Variants in SRF observed in about 807,000 individuals in gnomAD.
SRF encodes the protein c-fos serum response element-binding transcription factor.
SRF carries 7 observed loss-of-function variants against 37.1 expected under a neutral mutation model. That is an observed-to-expected ratio of 0.19 (90% confidence interval 0.11 to 0.35). The LOEUF (loss-of-function observed/expected upper bound fraction) is 0.35, where lower values mean the gene tolerates loss of function less well. Ranked by LOEUF, SRF falls within the 10% of genes least tolerant of loss-of-function variation. The pLI is 1.00. For missense variants in SRF, 395 were observed against 694.4 expected (o/e 0.57, Z 4.85); for synonymous variants, 285 against 310.1 (o/e 0.92, Z 0.85).
At chr6:43,174,855 C>T (rs940091840) in intron 2 of SRF, among the ~76,000 whole-genome samples, 10 of 152,194 alleles carry the variant, frequency 6.6e-5, no homozygotes, top group African/African-American at 2.2e-4. Context: ...TGACTCATTT[C>T]GGGTCTGGGC....
Position 43,173,524 on chromosome 6 carries a change from G to T in SRF, c.514-323G>T, listed in dbSNP as rs1772144935. Among the ~76,000 whole-genome samples the T allele has an allele frequency of 6.6e-6, 1 of 152,170 alleles. No individual in the cohort carries two copies. Among genetic ancestry groups the T allele is most frequent in the Non-Finnish European group, 1.5e-5 (1 of 68,038 alleles). On this transcript the variant is annotated intron_variant, in intron 1 of 6. Coordinates refer to ENST00000265354, the MANE Select transcript of SRF (RefSeq NM_003131.4). The surrounding 1 kb of genome is among the most constrained non-coding windows in gnomAD (Gnocchi z 4.2). ...ACAGTGAGAAGGGGTGAGGCTCTGG[G>T]ACATTCCAGGCACTAAGCTGTGTTG...
intron 4 of SRF, among the ~76,000 whole-genome samples, chr6:43,177,944 AG>A (rs1175920015): frequency 6.6e-6 from 1 of 151,018 alleles, no homozygotes; most frequent in Non-Finnish European, 1.5e-5. Context: ...AGGGAGAATG[AG>A]AACAAATAAA....
Position 43,178,580 on chromosome 6 carries a change from C to A in SRF, c.1354+95C>A. ...ACACACACATATGCACTGATGCCTA[C>A]AAATATTTCTACCCAAATACAACAC... On this transcript the variant is annotated intron_variant, in intron 5 of 6. Coordinates refer to ENST00000265354, the MANE Select transcript of SRF (RefSeq NM_003131.4). This position sits in a 1 kb window ranked among gnomAD's most constrained non-coding sequence, Gnocchi z 4.3. The A allele has an allele frequency of 6.9e-7, 1 of 1,447,072 alleles. No homozygotes were observed. Among genetic ancestry groups the A allele is most frequent in the Non-Finnish European group, 9.5e-7 (1 of 1,057,482 alleles). The allele number at this position is 1,447,072 out of a possible 1,614,324, so 89.6% of individuals were successfully genotyped here. A position where few individuals can be genotyped will look rare whatever the true frequency, so the allele number is the denominator to read the frequency against.
chr6:43,177,916 A>G (rs1418998983), intron 4 of SRF, among the ~76,000 whole-genome samples: 2 of 146,634 alleles, frequency 1.4e-5, no homozygotes, highest in African/African-American at 5.0e-5. Flanking sequence ...CTCCATCTCA[A>G]AAAAAAAAAA....
At position 43,180,658 on chromosome 6, in the gene SRF, G is replaced by A. The variant is rs3734682; in HGVS notation, c.*1468G>A. 6.5e-6 allele frequency: 1 copy of A among 152,674 alleles called. No homozygotes were observed. Among genetic ancestry groups the A allele is most frequent in the Non-Finnish European group, 1.5e-5 (1 of 68,094 alleles). 9.5% of individuals were successfully genotyped at this position (152,674 alleles called of 1,614,324 possible). ...AGACCTTGAGGGTGGGCCAGCATAG[G>A]GGGGAGGGTCTTTTACCCTGTGTCA... On this transcript the variant is annotated 3_prime_UTR_variant, in exon 7 of 7. Coordinates refer to ENST00000265354, the MANE Select transcript of SRF (RefSeq NM_003131.4).
At position 43,178,344 on chromosome 6, in the gene SRF, G is replaced by T; in HGVS notation, c.1213G>T (p.Gly405Cys). Reference sequence around the variant, plus strand: ...GTCATCCGTGCCCACAACTGTGGGTGGCCACATGATGTACCCTAGCCCGCA... The same window carrying T: ...GTCATCCGTGCCCACAACTGTGGGTTGCCACATGATGTACCCTAGCCCGCA... The part of the protein sequence containing the change: ...MTSSVPTTVG[G>C]HMMYPSPHAV... The change falls in exon 5 of 7, where the codon GGC becomes TGC. Residue 405 changes from glycine to cysteine, a missense_variant. Gly to Cys is a radical substitution (Grantham distance 159). Coordinates refer to ENST00000265354, the MANE Select transcript of SRF (RefSeq NM_003131.4). The surrounding 1 kb of genome is among the most constrained non-coding windows in gnomAD (Gnocchi z 4.3). The T allele has an allele frequency of 6.2e-7, 1 of 1,612,406 alleles. No individual in the cohort carries two copies. Among genetic ancestry groups the T allele is most frequent in the South Asian group, 1.1e-5 (1 of 90,862 alleles).
At chr6:43,177,986 G>A (rs1772237323) in intron 4 of SRF, among the ~76,000 whole-genome samples, 3 of 151,996 alleles carry the variant, frequency 2.0e-5, no homozygotes, top group Admixed American at 1.3e-4. Flanking sequence ...TAAAAGGGGA[G>A]TATCTGAGTT....
At chr6:43,174,243 C>A in intron 2 of SRF, 130 bp downstream of exon 2, 1 of 1,221,430 alleles carries the variant, frequency 8.2e-7, no homozygotes, top group Non-Finnish European at 1.1e-6. Context: ...TCCTAGGGGA[C>A]AGGTGTCCAT....
rs377431701 is a variant in SRF, at chr6:43,178,915, T to C, written c.1431+33T>C. On this transcript the variant is annotated intron_variant, in intron 6 of 6. Coordinates refer to ENST00000265354, the MANE Select transcript of SRF (RefSeq NM_003131.4). The surrounding 1 kb of genome is among the most constrained non-coding windows in gnomAD (Gnocchi z 4.3). ...GGGATATCTTTCACCCCATCCCAGA[T>C]AGCCACTTCTTTGTCTTGACCTTAG... is the stretch of plus-strand genomic sequence containing the variant. 7 of 1,608,732 alleles carry C rather than the reference T, an allele frequency of 4.4e-6. No homozygotes were observed. The African/African-American group carries it at 8.0e-5, about 18-fold the overall frequency.
rs939117849 is a variant in SRF at position 43,179,039 on chromosome 6, G to T, written c.1432-56G>T. 5.2e-5 allele frequency: 83 copies of T among 1,598,942 alleles called. No individual in the cohort carries two copies. The highest frequency in any genetic ancestry group is 1.7e-4 in the Middle Eastern group (1 of 6,048). On this transcript the variant is annotated intron_variant, in intron 6 of 6. Coordinates refer to ENST00000265354, the MANE Select transcript of SRF (RefSeq NM_003131.4). This position sits in a 1 kb window ranked among gnomAD's most constrained non-coding sequence, Gnocchi z 5.3. Reference sequence around the variant, plus strand: ...TGGTTGGCAGGCAGGGAAGCCAGGGGAGCCTGAACTGGCTGGCCAGTCCCT... The same window carrying T: ...TGGTTGGCAGGCAGGGAAGCCAGGGTAGCCTGAACTGGCTGGCCAGTCCCT...
At chr6:43,175,158 G>A (rs1270437001) in intron 2 of SRF, among the ~76,000 whole-genome samples, 1 of 152,134 alleles carries the variant, frequency 6.6e-6, no homozygotes, top group African/African-American at 2.4e-5. Flanking sequence ...TCAGAAGCCT[G>A]ACAAATTAGA....
Position 43,173,721 on chromosome 6 carries a change from C to A in SRF, c.514-126C>A. ...TGATAGGACACCCTGCCCTCAGAGT[C>A]ATTAGAGACGAAGGTCATTATGGGA... On this transcript the variant is annotated intron_variant, in intron 1 of 6. Coordinates refer to ENST00000265354, the MANE Select transcript of SRF (RefSeq NM_003131.4). The surrounding 1 kb of genome is among the most constrained non-coding windows in gnomAD (Gnocchi z 4.2). The A allele has an allele frequency of 7.7e-7, 1 of 1,290,388 alleles. No homozygotes were observed. Among genetic ancestry groups the A allele is most frequent in the Non-Finnish European group, 1.1e-6 (1 of 950,862 alleles). The allele number at this position is 1,290,388 out of a possible 1,614,324, so 79.9% of individuals were successfully genotyped here.
rs1772248924 is a variant in SRF, at chr6:43,178,581, A to T, written c.1354+96A>T. ...CACACACATATGCACTGATGCCTACAAATATTTCTACCCAAATACAACACA... is the reference window on the plus strand; with the variant it reads ...CACACACATATGCACTGATGCCTACTAATATTTCTACCCAAATACAACACA... On this transcript the variant is annotated intron_variant, in intron 5 of 6. Transcript: ENST00000265354. This position sits in a 1 kb window ranked among gnomAD's most constrained non-coding sequence, Gnocchi z 4.3. 1 of 1,446,140 alleles carries T rather than the reference A, an allele frequency of 6.9e-7. No individual in the cohort carries two copies. The highest frequency in any genetic ancestry group is 1.3e-5 in the South Asian group (1 of 78,896). The allele number at this position is 1,446,140 out of a possible 1,614,324, so 89.6% of individuals were successfully genotyped here. A position where few individuals can be genotyped will look rare whatever the true frequency, so the allele number is the denominator to read the frequency against.
chr6:43,179,194 G>A lies in SRF; in HGVS notation c.*4G>A, dbSNP rs779852507. 17 of 1,614,004 alleles carry A rather than the reference G, an allele frequency of 1.1e-5. No homozygotes were observed. The highest frequency in any genetic ancestry group is 6.7e-5 in the Admixed American group (4 of 60,002). ...CCACAGCACCAAGAGTGAATGATCC[G>A]CCCGCCGCCCTGGACAGATGGCCCA... On this transcript the variant is annotated 3_prime_UTR_variant, in exon 7 of 7. Transcript: ENST00000265354. The surrounding 1 kb of genome is among the most constrained non-coding windows in gnomAD (Gnocchi z 5.3).
In SRF at chr6:43,174,039, A is replaced by G; in HGVS notation, c.706A>G (p.Met236Val). The change falls in exon 2 of 7, where the codon ATG (methionine) becomes GTG (valine). Residue 236 changes from methionine to valine, a missense_variant. Physicochemically the swap from Met to Val is conservative, Grantham distance 21. This residue lies in a region of SRF where 20 missense variants were observed against 37.2 expected (regional missense o/e 0.54). Coordinates refer to ENST00000265354, the MANE Select transcript of SRF (RefSeq NM_003131.4). ...PRSDPTTDQR[M>V]SATGFEETDL... ...TTCAGACCCCACAACAGACCAGAGAATGAGTGCCACTGGCTTTGAAGAGAC... is the reference window on the plus strand; with the variant it reads ...TTCAGACCCCACAACAGACCAGAGAGTGAGTGCCACTGGCTTTGAAGAGAC... The G allele has an allele frequency of 6.2e-7, 1 of 1,614,178 alleles. No homozygotes were observed. Among genetic ancestry groups the G allele is most frequent in the Non-Finnish European group, 8.5e-7 (1 of 1,180,010 alleles).
intron 2 of SRF, among the ~76,000 whole-genome samples, chr6:43,175,474 C>G (rs1193397062): frequency 6.6e-6 from 1 of 152,142 alleles, no homozygotes; most frequent in East Asian, 1.9e-4. Context: ...ATATGCTAAC[C>G]TACTTAATCC....
chr6:43,176,496 G>A lies in SRF; in HGVS notation c.1043-52G>A. 2 of 1,606,274 alleles carry A rather than the reference G, an allele frequency of 1.2e-6. No individual in the cohort carries two copies. Among genetic ancestry groups the A allele is most frequent in the East Asian group, 2.2e-5 (1 of 44,714 alleles). On this transcript the variant is annotated intron_variant, in intron 3 of 6. Transcript: ENST00000265354. This position sits in a 1 kb window ranked among gnomAD's most constrained non-coding sequence, Gnocchi z 4.0. ...ACTGGGGTGTCCATGGGTACTTGGT[G>A]GAGGTGGCAATTGGGTGGGACAGAG...
At position 43,178,525 on chromosome 6, in the gene SRF, C is replaced by T; in HGVS notation, c.1354+40C>T. 6.3e-7 allele frequency: 1 copy of T among 1,587,264 alleles called. No homozygotes were observed. Among genetic ancestry groups the T allele is most frequent in the Non-Finnish European group, 8.6e-7 (1 of 1,162,386 alleles). On this transcript the variant is annotated intron_variant, in intron 5 of 6. Transcript: ENST00000265354. The surrounding 1 kb of genome is among the most constrained non-coding windows in gnomAD (Gnocchi z 4.3). ...AGGGCTAAGGAAAGGAGGACCGTTT[C>T]CTTCTTTATACACACACACACACAC...
chr6:43,178,325 C>T lies in SRF; in HGVS notation c.1194C>T (p.Ser398=), dbSNP rs766337868. The T allele has an allele frequency of 1.2e-5, 19 of 1,609,960 alleles. No homozygotes were observed. Among genetic ancestry groups the T allele is most frequent in the South Asian group, 2.2e-5 (2 of 90,922 alleles). Residue 398 remains serine, a synonymous_variant, in exon 5 of 7, where the codon TCC becomes TCT. Coordinates refer to ENST00000265354, the MANE Select transcript of SRF (RefSeq NM_003131.4). This position sits in a 1 kb window ranked among gnomAD's most constrained non-coding sequence, Gnocchi z 4.3. ...VTLPATIMTS[S]VPTTVGGHMM... is the part of the protein sequence containing the mutation. ...TGCCCGCCACCATCATGACGTCATC[C>T]GTGCCCACAACTGTGGGTGGCCACA...
Sources: allele counts gnomAD v4.1 joint callset (sites outside exome capture counted in the v4.1 genomes callset), GRCh38; gene constraint gnomAD v4.1.1; regional missense constraint gnomAD v4.1.1; non-coding constraint Gnocchi (gnomAD v3.1); transcripts MANE v1.5; gene names NCBI Gene and HGNC (gene_info 2026-07-23, HGNC 2026-07-21).